The following TAOK3 variants were observed in gnomAD, a reference collection of about 807,000 sequenced individuals.
TAOK3 encodes the protein serine/threonine-protein kinase TAO3.
Under a neutral mutation model 120.4 loss-of-function variants are expected in TAOK3, and 40 were observed. The observed-to-expected ratio is 0.33, with a 90% CI of 0.26 to 0.43. The LOEUF (loss-of-function observed/expected upper bound fraction) is 0.43. Ranked by LOEUF, TAOK3 falls within the 20% of genes least tolerant of loss-of-function variation. The pLI, the probability that TAOK3 is intolerant of heterozygous loss-of-function variation, is 1.00. For missense variants in TAOK3, 821 were observed against 1,112.1 expected (o/e 0.74, Z 3.72); for synonymous variants, 355 against 387.5 (o/e 0.92, Z 0.99).
chr12:118,246,264 A>C, intron 3 of TAOK3: 1 of 1,499,634 alleles, frequency 6.7e-7, no homozygotes, highest in Middle Eastern at 2.0e-4. Context: ...TAAGGAGTGG[A>C]TGCCCGTCAC....
At chr12:118,313,277 AT>A (rs1566102919) in intron 1 of TAOK3, among the ~76,000 whole-genome samples, 1 of 151,496 alleles carries the variant, frequency 6.6e-6, no homozygotes, top group East Asian at 1.9e-4. Flanking sequence ...TTTTTATTTT[AT>A]TTTATCTTTT....
chr12:118,321,404 G>C (rs1671928851), intron 1 of TAOK3, among the ~76,000 whole-genome samples: 1 of 152,048 alleles, frequency 6.6e-6, no homozygotes, highest in African/African-American at 2.4e-5. Flanking sequence ...GGGGCTACTG[G>C]TGCACGCCAC....
rs1430896044 is a variant in TAOK3 at position 118,235,682 on chromosome 12, A to G, written c.438-11T>C. 9 of 1,558,384 alleles carry G rather than the reference A, an allele frequency of 5.8e-6. No individual in the cohort carries two copies. Among genetic ancestry groups the G allele is most frequent in the Non-Finnish European group, 7.9e-6 (9 of 1,137,220 alleles). On this transcript the variant is annotated splice_polypyrimidine_tract_variant and intron_variant, in intron 7 of 20. Transcript: ENST00000392533. Reference sequence around the variant, plus strand: ...CCTGCTTTAATATCCCTATAGGAAAAAAAAAAAGGGTTAGAAAATTACTTT... The same window carrying G: ...CCTGCTTTAATATCCCTATAGGAAAGAAAAAAAGGGTTAGAAAATTACTTT...
chr12:118,313,697 A>G (rs558744267), intron 1 of TAOK3, among the ~76,000 whole-genome samples: 1 of 152,360 alleles, frequency 6.6e-6, no homozygotes, highest in African/African-American at 2.4e-5. Flanking sequence ...GTAAGCTTTT[A>G]CATTACAGAA....
chr12:118,292,726 A>G (rs2042531918), intron 1 of TAOK3, among the ~76,000 whole-genome samples: 1 of 152,180 alleles, frequency 6.6e-6, no homozygotes, highest in South Asian at 2.1e-4. Context: ...ATTATAAAGA[A>G]CTACAAGACT....
At chr12:118,294,254 C>T (rs1016686353) in intron 1 of TAOK3, among the ~76,000 whole-genome samples, 11 of 152,082 alleles carry the variant, frequency 7.2e-5, no homozygotes, top group African/African-American at 1.9e-4. Flanking sequence ...AGATTTTCAT[C>T]CCCCGCAAAC....
At chr12:118,189,731 G>C (rs1176294661) in intron 14 of TAOK3, 76 bp downstream of exon 14, 29 of 1,568,592 alleles carry the variant, frequency 1.8e-5, no homozygotes, top group Non-Finnish European at 2.5e-5. Context: ...GCCGAGACAG[G>C]CTCAGGGAGG....
rs2040331797 is a variant in TAOK3 at position 118,243,225 on chromosome 12, A to G, written c.294+190T>C. On this transcript the variant is annotated intron_variant, in intron 5 of 20. Coordinates refer to ENST00000392533, the MANE Select transcript of TAOK3 (RefSeq NM_016281.4). ...TATAGAATGGAATTTCTAATAGGCT[A>G]GATATCATTTAATCTTACAGAATAT... Among the ~76,000 whole-genome samples the G allele has an allele frequency of 2.6e-5, 4 of 152,334 alleles. No individual in the cohort carries two copies. The South Asian group carries it at 8.3e-4, about 32-fold the overall frequency.
chr12:118,310,233 G>A (rs531863462), intron 1 of TAOK3, among the ~76,000 whole-genome samples: 19 of 152,314 alleles, frequency 1.2e-4, no homozygotes, highest in East Asian at 5.8e-4. Flanking sequence ...GCAGTGAGCC[G>A]TGATCGTGCC....
At chr12:118,324,304 A>C (rs2140971356) in intron 1 of TAOK3, among the ~76,000 whole-genome samples, 1 of 152,290 alleles carries the variant, frequency 6.6e-6, no homozygotes, top group East Asian at 1.9e-4. Context: ...TCATTGTAAG[A>C]CTTGAAAATT....
intron 19 of TAOK3, among the ~76,000 whole-genome samples, chr12:118,154,977 G>C (rs1266791171): frequency 1.3e-5 from 2 of 151,304 alleles, no homozygotes; most frequent in Non-Finnish European, 2.9e-5. Flanking sequence ...ATCTAGCCTG[G>C]TGCCTGGTTT....
intron 1 of TAOK3, among the ~76,000 whole-genome samples, chr12:118,306,414 G>C (rs193240622): frequency 6.6e-6 from 1 of 152,234 alleles, no homozygotes; most frequent in African/African-American, 2.4e-5. Flanking sequence ...CTGGGCTCAA[G>C]TGATCCTCCT....
At position 118,224,992 on chromosome 12, in the gene TAOK3, A is replaced by T. The variant is rs148615760; in HGVS notation, c.643+8682T>A. Reference sequence around the variant, plus strand: ...GCTGGGCAAGGTGGCTCATGCCTGTAATCCCAGCACTTTGGGAGGCTGAGG... The same window carrying T: ...GCTGGGCAAGGTGGCTCATGCCTGTTATCCCAGCACTTTGGGAGGCTGAGG... On this transcript the variant is annotated intron_variant, in intron 9 of 20. Coordinates refer to ENST00000392533, the MANE Select transcript of TAOK3 (RefSeq NM_016281.4). Among the ~76,000 whole-genome samples the T allele has an allele frequency of 1.3e-3, 196 of 152,262 alleles. 1 individual carries two copies. Among genetic ancestry groups the T allele is most frequent in the Middle Eastern group, 6.8e-3 (2 of 292 alleles).
chr12:118,362,283 T>C (rs1385529916), intron 1 of TAOK3, among the ~76,000 whole-genome samples: 1 of 76,658 alleles, frequency 1.3e-5, no homozygotes, highest in Non-Finnish European at 2.5e-5. Flanking sequence ...GGGCCACACA[T>C]AAAATACACC....
chr12:118,278,924 A>G (rs562515159), intron 1 of TAOK3, among the ~76,000 whole-genome samples: 6 of 152,216 alleles, frequency 3.9e-5, no homozygotes, highest in Admixed American at 3.9e-4. Context: ...CTCCTGCCTC[A>G]GCCTCTTGAG....
At chr12:118,314,932 T>A (rs2043394859) in intron 1 of TAOK3, among the ~76,000 whole-genome samples, 1 of 151,992 alleles carries the variant, frequency 6.6e-6, no homozygotes, top group South Asian at 2.1e-4. Context: ...CTTTTTCTTT[T>A]TTTTTTTTAA....
intron 1 of TAOK3, among the ~76,000 whole-genome samples, chr12:118,287,026 A>C (rs993248799): frequency 6.6e-6 from 1 of 152,160 alleles, no homozygotes; most frequent in African/African-American, 2.4e-5. Context: ...AAGAGGATGC[A>C]AAAGCATAAG....
In TAOK3 at chr12:118,161,304, AGT is replaced by A. The variant is rs2138391186; in HGVS notation, c.2139+482_2139+483del. On this transcript the variant is annotated intron_variant, in intron 18 of 20. Transcript: ENST00000392533. The surrounding 1 kb of genome is among the most constrained non-coding windows in gnomAD (Gnocchi z 4.5). Reference sequence around the variant, plus strand: ...AGTTCCTCCACATCTCTGCATCTCTAGTGCAGAAGTGGTAAATGCCTGGCACT... The same window carrying A: ...AGTTCCTCCACATCTCTGCATCTCTAGCAGAAGTGGTAAATGCCTGGCACT... Among the ~76,000 whole-genome samples, 1 of 152,352 alleles carries A rather than the reference AGT, an allele frequency of 6.6e-6. No individual in the cohort carries two copies. Among genetic ancestry groups the A allele is most frequent in the East Asian group, 1.9e-4 (1 of 5,184 alleles).
intron 1 of TAOK3, among the ~76,000 whole-genome samples, chr12:118,302,588 C>A (rs751392399): frequency 6.6e-6 from 1 of 152,024 alleles, no homozygotes; most frequent in African/African-American, 2.4e-5. Flanking sequence ...AAGAAAGAGA[C>A]AGGACAGCTA....
Sources: allele counts gnomAD v4.1 joint callset (sites outside exome capture counted in the v4.1 genomes callset), GRCh38; gene constraint gnomAD v4.1.1; non-coding constraint Gnocchi (gnomAD v3.1); transcripts MANE v1.5; gene names NCBI Gene and HGNC (gene_info 2026-07-23, HGNC 2026-07-21).